Variants in VRK3 observed in about 807,000 individuals in gnomAD.
The protein encoded by VRK3 is serine/threonine-protein kinase VRK3.
In VRK3, 50 loss-of-function variants were observed where a neutral mutation model predicts 60.4. The ratio of observed to expected loss-of-function variants is 0.83; its 90% CI spans 0.66 to 1.05. The LOEUF (loss-of-function observed/expected upper bound fraction) is 1.05. Among genes scored for constraint, VRK3 ranks in the 50% least tolerant of loss-of-function variants. The pLI is 0.00. For synonymous variants in VRK3, 246 were observed against 227.8 expected (o/e 1.08, Z -0.72); for missense variants, 549 against 585.3 (o/e 0.94, Z 0.64).
chr19:49,982,343 G>C (rs1164407462), intron 12 of VRK3, among the ~76,000 whole-genome samples: 4 of 152,154 alleles, frequency 2.6e-5, no homozygotes, highest in Non-Finnish European at 5.9e-5. Context: ...TTGATTTTTT[G>C]TGGAGATGGG....
intron 6 of VRK3, chr19:49,997,852 G>A (rs901792144): frequency 3.4e-5 from 11 of 324,692 alleles, no homozygotes; most frequent in Non-Finnish European, 5.2e-5. Flanking sequence ...CCTTTGCAGT[G>A]AGGACTGACC....
intron 3 of VRK3, among the ~76,000 whole-genome samples, chr19:50,010,172 A>G (rs2076972030): frequency 1.3e-5 from 2 of 152,162 alleles, no homozygotes; most frequent in South Asian, 4.1e-4. Context: ...TACAATCATT[A>G]GAGTTTTTAT....
intron 9 of VRK3, among the ~76,000 whole-genome samples, chr19:49,993,432 C>T (rs1408249110): frequency 2.0e-5 from 3 of 152,108 alleles, no homozygotes; most frequent in Non-Finnish European, 4.4e-5. Context: ...GGGTCTTACT[C>T]CTGTTGCCCA....
chr19:49,989,216 T>C (rs2076568788), intron 11 of VRK3, among the ~76,000 whole-genome samples: 1 of 152,130 alleles, frequency 6.6e-6, no homozygotes, highest in African/African-American at 2.4e-5. Context: ...TCCTAGTCTG[T>C]ACACTTTCCC....
chr19:50,015,112 C>T (rs1938921014), intron 3 of VRK3, among the ~76,000 whole-genome samples: 1 of 151,964 alleles, frequency 6.6e-6, no homozygotes, highest in Non-Finnish European at 1.5e-5. Context: ...CTATTCATGG[C>T]AATGGGGAAG....
intron 5 of VRK3, among the ~76,000 whole-genome samples, chr19:50,003,253 C>T (rs1331568566): frequency 6.6e-6 from 1 of 152,212 alleles, no homozygotes; most frequent in Non-Finnish European, 1.5e-5. Flanking sequence ...ATCAGCAGAG[C>T]CAACACCTAA....
At chr19:50,019,138 C>T (rs2077122982) in intron 2 of VRK3, 2 of 135,592 alleles carry the variant, frequency 1.5e-5, no homozygotes, top group Non-Finnish European at 1.6e-5. Flanking sequence ...GCAGTCCGGC[C>T]GGGGAGAAAG....
chr19:49,994,133 C>T (rs1057094246), intron 9 of VRK3, among the ~76,000 whole-genome samples: 1 of 152,218 alleles, frequency 6.6e-6, no homozygotes, highest in Non-Finnish European at 1.5e-5. Flanking sequence ...TAGGACTCAG[C>T]ATGTCGCTCC....
chr19:50,022,568 G>A (rs1461211715), intron 1 of VRK3, among the ~76,000 whole-genome samples: 3 of 151,970 alleles, frequency 2.0e-5, no homozygotes, highest in Admixed American at 2.0e-4. Context: ...GGCGGATCAC[G>A]TGAGGTTAGG....
intron 2 of VRK3, among the ~76,000 whole-genome samples, chr19:50,016,454 C>A (rs573485863): frequency 6.6e-6 from 1 of 152,304 alleles, no homozygotes; most frequent in Non-Finnish European, 1.5e-5. Flanking sequence ...ATGGCCGAGG[C>A]AGTTAGGAGT....
In VRK3 at chr19:49,979,939, AT is replaced by A. The variant is rs1255746658; in HGVS notation, c.1277-698del. ...GTGGCGGGTGCCTGTAGTCCCAGCT[AT>A]TTGGGAGGCAGAGGCAGGAGAATGG... On this transcript the variant is annotated intron_variant, in intron 13 of 14. Coordinates refer to ENST00000316763, the MANE Select transcript of VRK3 (RefSeq NM_016440.4). Among the ~76,000 whole-genome samples, 7 of 151,868 alleles carry A rather than the reference AT, an allele frequency of 4.6e-5. No individual in the cohort carries two copies. In the East Asian group the frequency reaches 1.3e-3, roughly 29 times the overall value.
At chr19:50,010,146 T>C (rs998809755) in intron 3 of VRK3, among the ~76,000 whole-genome samples, 47 of 152,096 alleles carry the variant, frequency 3.1e-4, no homozygotes, top group African/African-American at 1.1e-3. Context: ...GACACACACA[T>C]ATACATATAC....
At chr19:49,995,369 G>T in intron 7 of VRK3, 94 bp from the exon 8 acceptor site, 1 of 1,147,480 alleles carries the variant, frequency 8.7e-7, no homozygotes. Context: ...AGAGTGCCCA[G>T]ACCGCCTCCA....
chr19:49,981,592 TG>T (rs748780603), intron 12 of VRK3: 97 of 623,014 alleles, frequency 1.6e-4, no homozygotes, highest in Non-Finnish European at 1.8e-4. Flanking sequence ...TGTATGTTTC[TG>T]TTGAAATACA....
chr19:50,002,186 CCCTT>C (rs2076818124), intron 5 of VRK3, among the ~76,000 whole-genome samples: 1 of 152,104 alleles, frequency 6.6e-6, no homozygotes, highest in African/African-American at 2.4e-5. Flanking sequence ...TTCCCACTCT[CCCTT>C]CATCATCGAG....
chr19:49,978,790 A>G (rs889535341), intron 14 of VRK3: 1 of 275,358 alleles, frequency 3.6e-6, no homozygotes, highest in Non-Finnish European at 6.9e-6. Context: ...TCTTGATGCT[A>G]TTTTTGAGGC....
At chr19:50,010,059 T>C (rs201256916) in intron 3 of VRK3, among the ~76,000 whole-genome samples, 31 of 151,102 alleles carry the variant, frequency 2.1e-4, no homozygotes, top group East Asian at 7.8e-4. Flanking sequence ...TATATATATA[T>C]ACACACACAC....
At chr19:50,022,119 A>G (rs909229967) in intron 1 of VRK3, among the ~76,000 whole-genome samples, 9 of 152,326 alleles carry the variant, frequency 5.9e-5, no homozygotes, top group Middle Eastern at 3.4e-3. Flanking sequence ...ACTCACCTAG[A>G]AAACAGTGGG....
At chr19:49,990,274 T>G (rs1275860820) in intron 10 of VRK3, among the ~76,000 whole-genome samples, 4 of 152,248 alleles carry the variant, frequency 2.6e-5, no homozygotes, top group Non-Finnish European at 1.5e-5. Context: ...TGTAAAATGA[T>G]GATAATAATA....
Sources: allele counts gnomAD v4.1 joint callset (sites outside exome capture counted in the v4.1 genomes callset), GRCh38; gene constraint gnomAD v4.1.1; transcripts MANE v1.5; gene names NCBI Gene and HGNC (gene_info 2026-07-23, HGNC 2026-07-21).